The following HERC1 variants were observed in gnomAD, a reference collection of about 807,000 sequenced individuals.
The protein encoded by HERC1 is probable E3 ubiquitin-protein ligase HERC1.
A neutral mutation model predicts 554.3 loss-of-function variants in HERC1; 160 were observed. That is an observed-to-expected ratio of 0.29 (90% CI 0.25 to 0.33). HERC1 has a LOEUF of 0.33. HERC1 is among the 10% of genes least tolerant of loss of function. HERC1 has a pLI of 1.00. For synonymous variants in HERC1, 2,175 were observed against 2,131.7 expected (o/e 1.02, Z -0.56); for missense variants, 4,919 against 5,918.5 (o/e 0.83, Z 5.54).
chr15:63,720,472 A>C (rs2073772631), intron 19 of HERC1, among the ~76,000 whole-genome samples: 1 of 152,134 alleles, frequency 6.6e-6, no homozygotes. Context: ...ACGCTTGAAA[A>C]ATTTTTAGCC....
At chr15:63,644,499 G>GTTTT (rs552291680) in intron 57 of HERC1, among the ~76,000 whole-genome samples, 2 of 147,910 alleles carry the variant, frequency 1.4e-5, no homozygotes, top group African/African-American at 4.9e-5. Context: ...AAGCTTCTTT[G>GTTTT]TTTTTTTTTT....
At chr15:63,743,263 C>CTTTTTCTT (rs2074896514) in intron 12 of HERC1, among the ~76,000 whole-genome samples, 3 of 109,182 alleles carry the variant, frequency 2.7e-5, no homozygotes, top group African/African-American at 3.6e-5. Flanking sequence ...TTTTCTTTTT[C>CTTTTTCTT]TTTTTTTTTT....
At chr15:63,611,642 G>A (rs912182298) in intron 77 of HERC1, among the ~76,000 whole-genome samples, 1 of 152,192 alleles carries the variant, frequency 6.6e-6, no homozygotes, top group Non-Finnish European at 1.5e-5. Context: ...ACAGGAAGAG[G>A]CAGTATGATG....
intron 77 of HERC1, among the ~76,000 whole-genome samples, chr15:63,609,768 C>T (rs987608198): frequency 1.1e-4 from 16 of 152,176 alleles, no homozygotes; most frequent in African/African-American, 2.2e-4. Context: ...CCTTTGCAGG[C>T]GCCATGGCTG....
At chr15:63,773,305 A>G (rs1427137747) in intron 2 of HERC1, among the ~76,000 whole-genome samples, 1 of 151,706 alleles carries the variant, frequency 6.6e-6, no homozygotes, top group Middle Eastern at 3.2e-3. Flanking sequence ...TTAGCCGGGC[A>G]TGCTAGTGCA....
intron 67 of HERC1, among the ~76,000 whole-genome samples, 183 bp downstream of exon 67, chr15:63,633,665 A>G (rs140651284): frequency 8.5e-5 from 13 of 152,348 alleles, no homozygotes; most frequent in African/African-American, 3.1e-4. Context: ...TAGCTGGATT[A>G]ATAGCTTATT....
intron 22 of HERC1, 135 bp from the exon 23 acceptor site, chr15:63,713,800 T>C: frequency 1.6e-6 from 1 of 640,442 alleles, no homozygotes; most frequent in Non-Finnish European, 2.6e-6. Context: ...AGACATTATA[T>C]ACAACATAGT....
At chr15:63,773,443 T>TAAA (rs2076011119) in intron 2 of HERC1, among the ~76,000 whole-genome samples, 1 of 94,396 alleles carries the variant, frequency 1.1e-5, no homozygotes, top group African/African-American at 3.9e-5. Flanking sequence ...AGACTCTGTC[T>TAAA]CAAAAAAAAA....
chr15:63,636,979 T>TGA lies in HERC1; in HGVS notation c.12232+525_12232+526insTC. 4 of 363,792 alleles carry TGA rather than the reference T, an allele frequency of 1.1e-5. No homozygotes were observed. In the Admixed American group the frequency reaches 1.5e-4, roughly 13 times the overall value. The allele number at this position is 363,792 out of a possible 1,614,324, so 22.5% of individuals were successfully genotyped here. A position where few individuals can be genotyped will look rare whatever the true frequency, so the allele number is the denominator to read the frequency against. ...TGTTTTGAACTCATAGTTACTTGTA[T>TGA]GCTTTTACCTAAAAAAACCGTCGGT... On this transcript the variant is annotated intron_variant, in intron 64 of 77. Coordinates refer to ENST00000443617, the MANE Select transcript of HERC1 (RefSeq NM_003922.4).
intron 76 of HERC1, among the ~76,000 whole-genome samples, chr15:63,613,623 ATAT>A (rs1327381078): frequency 6.6e-6 from 1 of 151,900 alleles, no homozygotes; most frequent in Non-Finnish European, 1.5e-5. Context: ...TGCATATCCT[ATAT>A]TATCGTGTTG....
Position 63,698,921 on chromosome 15 carries a change from T to C in HERC1, c.4712A>G (p.Asn1571Ser), listed in dbSNP as rs748628494. ...RLKHSRDWLC[N>S]SSYSFESDFD... ...ATCTGACTCAAAGGAATAGGAGGAG[T>C]TGCATAACCAGTCTCTGCTATGTTT... Residue 1571 changes from asparagine (N) to serine (S), a missense_variant, in exon 26 of 78, where the codon AAC becomes AGC. Asn to Ser is a conservative substitution (Grantham distance 46). Around this residue, in one of 11 missense-constraint regions of HERC1, gnomAD observed 1,121 missense variants for 1,244.0 expected, o/e 0.90. Transcript: ENST00000443617. 1.6e-5 allele frequency: 26 copies of C among 1,613,456 alleles called. No homozygotes were observed. The East Asian group carries it at 5.6e-4, about 35-fold the overall frequency.
intron 1 of HERC1, among the ~76,000 whole-genome samples, chr15:63,787,772 T>C (rs952178233): frequency 1.3e-5 from 2 of 151,684 alleles, no homozygotes; most frequent in Non-Finnish European, 2.9e-5. Context: ...CTTACTAACC[T>C]GGACAATATG....
At chr15:63,616,889 G>A (rs1401164264) in intron 74 of HERC1, among the ~76,000 whole-genome samples, 2 of 152,062 alleles carry the variant, frequency 1.3e-5, no homozygotes, top group East Asian at 3.8e-4. Flanking sequence ...AGCCACATGT[G>A]GACCGTAGTT....
At chr15:63,648,497 C>T (rs2069475945) in intron 54 of HERC1, among the ~76,000 whole-genome samples, 1 of 152,106 alleles carries the variant, frequency 6.6e-6, no homozygotes, top group Non-Finnish European at 1.5e-5. Flanking sequence ...TTGTAAGTCA[C>T]CATAGGTTCT....
rs2072573411 is a variant in HERC1, at chr15:63,698,947, C to T, written c.4686G>A (p.Leu1562=). The change falls in exon 26 of 78, where the codon CTG becomes CTA. Residue 1562 remains leucine, a synonymous_variant. Coordinates refer to ENST00000443617, the MANE Select transcript of HERC1 (RefSeq NM_003922.4). The part of the protein sequence containing the change: ...LESLSDSWAR[L]KHSRDWLCNS... ...TGCATAACCAGTCTCTGCTATGTTT[C>T]AGGCGAGCCCAAGAGTCACTCAGGG... The T allele has an allele frequency of 6.2e-7, 1 of 1,613,698 alleles. No individual in the cohort carries two copies. Among genetic ancestry groups the T allele is most frequent in the Non-Finnish European group, 8.5e-7 (1 of 1,179,714 alleles).
At chr15:63,688,123 T>C (rs1184162131) in intron 33 of HERC1, among the ~76,000 whole-genome samples, 5 of 152,190 alleles carry the variant, frequency 3.3e-5, no homozygotes, top group Non-Finnish European at 7.4e-5. Flanking sequence ...ATAGAACACT[T>C]AGAAGGTTAC....
Position 63,675,117 on chromosome 15 carries a change from G to C in HERC1, c.7071C>G (p.Ser2357Arg). The C allele has an allele frequency of 1.3e-6, 2 of 1,579,858 alleles. No homozygotes were observed. Among genetic ancestry groups the C allele is most frequent in the Non-Finnish European group, 1.7e-6 (2 of 1,161,920 alleles). ...CACTAGGCGACCAAAAAGTTGGGAA[G>C]CTTTAATAAAGATCAGAATGACACA... is the stretch of plus-strand genomic sequence containing the variant. ...VQWDEAEITISFPTFWSPSDT... is the reference protein window; with the variant it reads ...VQWDEAEITIRFPTFWSPSDT... Residue 2357 changes from serine (S) to arginine (R), a missense_variant and splice_region_variant, in exon 38 of 78, where the codon AGC (serine) becomes AGG (arginine). Physicochemically the swap from Ser to Arg is moderately radical, Grantham distance 110. Coordinates refer to ENST00000443617, the MANE Select transcript of HERC1 (RefSeq NM_003922.4).
At position 63,723,370 on chromosome 15, in the gene HERC1, C is replaced by G. The variant is rs762429253; in HGVS notation, c.3569-15G>C. On this transcript the variant is annotated splice_polypyrimidine_tract_variant and intron_variant, in intron 18 of 77. Transcript: ENST00000443617. The stretch of plus-strand genomic sequence containing the variant: ...CATACATTTATCTAAAAAAAATACT[C>G]ACGTTACCAATTTTAACATCATAAA... The G allele has an allele frequency of 8.6e-6, 13 of 1,507,890 alleles. No individual in the cohort carries two copies. Among genetic ancestry groups the G allele is most frequent in the Non-Finnish European group, 1.2e-5 (13 of 1,118,600 alleles). The allele number at this position is 1,507,890 out of a possible 1,614,324, so 93.4% of individuals were successfully genotyped here.
intron 74 of HERC1, among the ~76,000 whole-genome samples, chr15:63,621,593 C>T (rs535680605): frequency 2.1e-4 from 32 of 149,626 alleles, no homozygotes; most frequent in African/African-American, 7.5e-4. Flanking sequence ...GAGTGTTTTC[C>T]AACTTGGTTC....
Sources: allele counts gnomAD v4.1 joint callset (sites outside exome capture counted in the v4.1 genomes callset), GRCh38; gene constraint gnomAD v4.1.1; regional missense constraint gnomAD v4.1.1; transcripts MANE v1.5; gene names NCBI Gene and HGNC (gene_info 2026-07-23, HGNC 2026-07-21).